The following SLIT2 variants were observed in gnomAD, a reference collection of about 807,000 sequenced individuals.
The protein encoded by SLIT2 is slit guidance ligand 2.
SLIT2 carries 41 observed loss-of-function variants against 185.7 expected under a neutral mutation model. That is an observed-to-expected ratio of 0.22 (90% CI 0.17 to 0.29). The LOEUF (loss-of-function observed/expected upper bound fraction) is 0.29. SLIT2 is among the 10% of genes least tolerant of loss of function. The pLI is 1.00. For missense variants in SLIT2, 1,571 were observed against 1,909.0 expected (o/e 0.82, Z 3.30); for synonymous variants, 693 against 680.2 (o/e 1.02, Z -0.29).
At chr4:20,332,862 G>T (rs1720186832) in intron 4 of SLIT2, among the ~76,000 whole-genome samples, 1 of 152,012 alleles carries the variant, frequency 6.6e-6, no homozygotes, top group African/African-American at 2.4e-5. Context: ...TACCATTCTG[G>T]ACGTGGCATA....
chr4:20,613,018 G>A (rs1240756702), intron 34 of SLIT2, among the ~76,000 whole-genome samples: 2 of 152,032 alleles, frequency 1.3e-5, no homozygotes, highest in African/African-American at 4.8e-5. Context: ...TGCTGGCAAG[G>A]TTGTGGAGAA....
At chr4:20,396,395 C>G (rs1309222250) in intron 4 of SLIT2, among the ~76,000 whole-genome samples, 1 of 151,772 alleles carries the variant, frequency 6.6e-6, no homozygotes, top group African/African-American at 2.4e-5. Context: ...CAAGACTGAT[C>G]ACTTTGTTGT....
intron 4 of SLIT2, among the ~76,000 whole-genome samples, chr4:20,329,234 A>G (rs1461278674): frequency 6.6e-6 from 1 of 152,082 alleles, no homozygotes; most frequent in Admixed American, 6.6e-5. Flanking sequence ...ATGAAATGAC[A>G]TGGACTATTT....
intron 32 of SLIT2, 32 bp downstream of exon 32, chr4:20,596,687 G>A (rs542149614): frequency 3.7e-5 from 59 of 1,589,292 alleles, no homozygotes; most frequent in African/African-American, 2.7e-5. Context: ...AGAGATGATC[G>A]GATCTTAAAA....
At chr4:20,286,048 A>G (rs2109067614) in intron 4 of SLIT2, among the ~76,000 whole-genome samples, 1 of 152,354 alleles carries the variant, frequency 6.6e-6, no homozygotes, top group South Asian at 2.1e-4. Context: ...ATTACGGATG[A>G]GAAAACTGAC....
intron 9 of SLIT2, among the ~76,000 whole-genome samples, chr4:20,502,284 A>G (rs1253250848): frequency 6.6e-6 from 1 of 152,226 alleles, no homozygotes; most frequent in African/African-American, 2.4e-5. Flanking sequence ...AGAAACTCCA[A>G]CTGGTTTCTC....
intron 4 of SLIT2, chr4:20,393,273 T>A (rs1725586781): frequency 6.6e-6 from 1 of 152,112 alleles, no homozygotes; most frequent in African/African-American, 2.4e-5. Flanking sequence ...TTTCTTCTGA[T>A]CTCTTCCATT....
intron 4 of SLIT2, among the ~76,000 whole-genome samples, chr4:20,276,242 C>T (rs1382913933): frequency 1.3e-5 from 2 of 152,096 alleles, no homozygotes; most frequent in African/African-American, 4.8e-5. Flanking sequence ...CTTTTTTCCA[C>T]AATTCCAGTA....
intron 4 of SLIT2, among the ~76,000 whole-genome samples, chr4:20,302,142 C>T (rs1294550551): frequency 2.0e-5 from 3 of 152,194 alleles, no homozygotes; most frequent in Non-Finnish European, 4.4e-5. Flanking sequence ...GGGGCAGAAA[C>T]ACATGACACA....
At chr4:20,359,334 T>C (rs904170440) in intron 4 of SLIT2, among the ~76,000 whole-genome samples, 2 of 152,142 alleles carry the variant, frequency 1.3e-5, no homozygotes, top group Middle Eastern at 3.4e-3. Flanking sequence ...TGTGTTTTGG[T>C]GTGTAGGGAG....
intron 4 of SLIT2, among the ~76,000 whole-genome samples, chr4:20,380,372 C>T (rs1329594036): frequency 6.6e-6 from 1 of 152,034 alleles, no homozygotes; most frequent in Non-Finnish European, 1.5e-5. Context: ...GTACAAATTG[C>T]AGTATCTTAC....
At chr4:20,527,879 G>A (rs2148855643) in intron 15 of SLIT2, among the ~76,000 whole-genome samples, 1 of 152,094 alleles carries the variant, frequency 6.6e-6, no homozygotes, top group Non-Finnish European at 1.5e-5. Flanking sequence ...AAGTAAAAGT[G>A]TCTGATCTGA....
intron 4 of SLIT2, among the ~76,000 whole-genome samples, chr4:20,340,771 T>C (rs1187899133): frequency 6.6e-6 from 1 of 152,030 alleles, no homozygotes; most frequent in Non-Finnish European, 1.5e-5. Context: ...CGGCTAATTT[T>C]TTGTATTTTT....
chr4:20,538,212 G>A (rs922462996), intron 18 of SLIT2, among the ~76,000 whole-genome samples: 34 of 152,130 alleles, frequency 2.2e-4, no homozygotes, highest in Middle Eastern at 3.4e-3. Flanking sequence ...CGCCCGCCTC[G>A]GCCTCCCAAA....
At chr4:20,572,581 A>T (rs952888315) in intron 29 of SLIT2, among the ~76,000 whole-genome samples, 10 of 152,174 alleles carry the variant, frequency 6.6e-5, no homozygotes, top group Admixed American at 2.6e-4. Flanking sequence ...TAAAAACTAT[A>T]AATGTGGCAC....
intron 9 of SLIT2, among the ~76,000 whole-genome samples, chr4:20,504,385 G>A (rs1719010629): frequency 6.6e-6 from 1 of 152,104 alleles, no homozygotes; most frequent in South Asian, 2.1e-4. Flanking sequence ...CAGTTTTATT[G>A]CCATGTATAA....
At chr4:20,486,740 G>T (rs920103077) in intron 7 of SLIT2, among the ~76,000 whole-genome samples, 3 of 151,870 alleles carry the variant, frequency 2.0e-5, no homozygotes, top group Non-Finnish European at 4.4e-5. Flanking sequence ...TATCTTTCTG[G>T]GTTACAGATG....
intron 4 of SLIT2, among the ~76,000 whole-genome samples, chr4:20,381,450 T>C (rs1724506346): frequency 6.6e-6 from 1 of 152,194 alleles, no homozygotes; most frequent in Non-Finnish European, 1.5e-5. Context: ...GTTTTAGCTG[T>C]ATTTTACAAA....
At chr4:20,385,226 G>A (rs1724841331) in intron 4 of SLIT2, among the ~76,000 whole-genome samples, 1 of 152,046 alleles carries the variant, frequency 6.6e-6, no homozygotes, top group Non-Finnish European at 1.5e-5. Context: ...ATCAAATGGC[G>A]AATGAACAAA....
Sources: gnomAD v4.1 joint callset for allele counts (sites outside exome capture counted in the v4.1 genomes callset) on GRCh38, gnomAD v4.1.1 for gene constraint, MANE v1.5 for transcripts, NCBI Gene and HGNC (gene_info 2026-07-23, HGNC 2026-07-21) for gene names.